Variants in DAB1 observed in about 807,000 individuals in gnomAD.
DAB1 encodes DAB adaptor protein 1.
In DAB1, 15 loss-of-function variants were observed where a neutral mutation model predicts 64.6. That is an observed-to-expected ratio of 0.23 (90% CI 0.16 to 0.36). DAB1 has a LOEUF of 0.36. DAB1 is among the 10% of genes least tolerant of loss of function. The pLI is 1.00. For synonymous variants in DAB1, 235 were observed against 251.9 expected, an observed-to-expected ratio of 0.93 and a Z score of 0.64; for missense variants, 596 against 706.7, an observed-to-expected ratio of 0.84 and a Z score of 1.78.
chr1:57,171,788 T>A (rs1033045660), intron 2 of DAB1, among the ~76,000 whole-genome samples: 10 of 152,232 alleles, frequency 6.6e-5, no homozygotes, highest in Non-Finnish European at 8.8e-5. Context: ...CTGATTTGAA[T>A]ATATTTAAAG....
chr1:58,472,102 G>A (rs116325526), intron 3 of DAB1, among the ~76,000 whole-genome samples: 1 of 152,240 alleles, frequency 6.6e-6, no homozygotes, highest in Non-Finnish European at 1.5e-5. Context: ...AGTAACCAGG[G>A]TCCCTCTGAT....
intron 4 of DAB1, among the ~76,000 whole-genome samples, chr1:58,279,590 C>T (rs1034372454): frequency 2.6e-5 from 4 of 152,190 alleles, no homozygotes; most frequent in African/African-American, 7.2e-5. Context: ...AAGTACGTCT[C>T]TAAAGTAGCA....
rs1029572737 is a variant in DAB1, at chr1:57,175,864, A to G, written c.68-30435T>C. On this transcript the variant is annotated intron_variant, in intron 2 of 14. Transcript: ENST00000371236. ...AAGCCACATTTTCAGGAAAGGCAGT[A>G]CTTCCAGGCTGATATTCTGAGTAGA... Among the ~76,000 whole-genome samples, 8 of 152,348 alleles carry G rather than the reference A, an allele frequency of 5.3e-5. No individual in the cohort carries two copies. The South Asian group carries it at 1.7e-3, about 32-fold the overall frequency.
At chr1:57,478,992 CCTT>C (rs1215837594) in intron 7 of DAB1, among the ~76,000 whole-genome samples, 2 of 152,048 alleles carry the variant, frequency 1.3e-5, no homozygotes, top group Non-Finnish European at 2.9e-5. Flanking sequence ...ACACCTGTAT[CCTT>C]CTGCTAACAT....
At chr1:57,471,027 C>A (rs933493150) in intron 7 of DAB1, among the ~76,000 whole-genome samples, 7 of 152,166 alleles carry the variant, frequency 4.6e-5, no homozygotes, top group East Asian at 1.9e-4. Context: ...CAAGACACAG[C>A]AAGAAATTCT....
At chr1:57,838,945 G>GT (rs1195709573) in intron 1 of DAB1, among the ~76,000 whole-genome samples, 4 of 151,470 alleles carry the variant, frequency 2.6e-5, no homozygotes, top group African/African-American at 9.7e-5. Context: ...CTCAGCTAAT[G>GT]TATTTATTTA....
chr1:57,463,486 A>G (rs972200408), intron 7 of DAB1, among the ~76,000 whole-genome samples: 2 of 152,184 alleles, frequency 1.3e-5, no homozygotes, highest in African/African-American at 2.4e-5. Context: ...AAGAAATTCA[A>G]TGCTCAAAAT....
At chr1:57,163,843 G>A (rs996316723) in intron 2 of DAB1, among the ~76,000 whole-genome samples, 1 of 152,166 alleles carries the variant, frequency 6.6e-6, no homozygotes, top group East Asian at 1.9e-4. Flanking sequence ...GGAAGGCAGG[G>A]TCACTTCCTA....
chr1:57,327,533 A>G lies in DAB1; in HGVS notation c.-136-36367T>C, dbSNP rs1558173847. On this transcript the variant is annotated intron_variant, in intron 1 of 14. Coordinates refer to ENST00000371236, the MANE Select transcript of DAB1 (RefSeq NM_001365792.1). Reference sequence around the variant, plus strand: ...GGGGCCTCTTCAGAACTGCTGCCAAACCTGGCAACCAATCACCCCAAAATG... The same window carrying G: ...GGGGCCTCTTCAGAACTGCTGCCAAGCCTGGCAACCAATCACCCCAAAATG... Among the ~76,000 whole-genome samples, 3 of 152,182 alleles carry G rather than the reference A, an allele frequency of 2.0e-5. No homozygotes were observed. In the East Asian group the frequency reaches 5.8e-4, roughly 29 times the overall value.
chr1:57,947,359 C>G (rs1645199347), intron 5 of DAB1, among the ~76,000 whole-genome samples: 1 of 152,160 alleles, frequency 6.6e-6, no homozygotes, highest in African/African-American at 2.4e-5. Context: ...CTGACCACCA[C>G]CCAGCAACCT....
At chr1:57,284,769 G>A (rs1220817781) in intron 2 of DAB1, among the ~76,000 whole-genome samples, 11 of 152,200 alleles carry the variant, frequency 7.2e-5, no homozygotes, top group South Asian at 2.1e-4. Context: ...CAATGTTAGC[G>A]GAAGTTACTT....
intron 1 of DAB1, among the ~76,000 whole-genome samples, chr1:57,337,130 C>T (rs1052515308): frequency 6.6e-6 from 1 of 152,242 alleles, no homozygotes; most frequent in Admixed American, 6.5e-5. Flanking sequence ...CTCTCATCAA[C>T]CACACAGCTA....
chr1:57,886,363 TGGCCA>T (rs1446391326), upstream of DAB1, among the ~76,000 whole-genome samples: 1 of 152,140 alleles, frequency 6.6e-6, no homozygotes, highest in Non-Finnish European at 1.5e-5. Context: ...TTCGCTATGT[TGGCCA>T]GGCTGGTCTC....
At chr1:57,843,110 T>C (rs560017994) in intron 1 of DAB1, among the ~76,000 whole-genome samples, 2 of 152,312 alleles carry the variant, frequency 1.3e-5, no homozygotes, top group South Asian at 4.1e-4. Flanking sequence ...AAACTCAAAG[T>C]GTGGTTTCTA....
chr1:57,759,682 A>G lies in DAB1; in HGVS notation n.552-110017T>C, dbSNP rs185115762. Among the ~76,000 whole-genome samples, 9 of 152,272 alleles carry G rather than the reference A, an allele frequency of 5.9e-5. No individual in the cohort carries two copies. The East Asian group carries it at 1.7e-3, about 29-fold the overall frequency. ...GCAGAGGAATTAAATGACCAGATTA[A>G]CATTCTACAGGATTATTCCACCTAC... On this transcript the variant is annotated intron_variant and non_coding_transcript_variant, in intron 6 of 20. Transcript: ENST00000485760.
At chr1:58,017,364 C>T (rs1037183882) in intron 5 of DAB1, among the ~76,000 whole-genome samples, 1 of 152,168 alleles carries the variant, frequency 6.6e-6, no homozygotes, top group Non-Finnish European at 1.5e-5. Flanking sequence ...CCAGGCAGGG[C>T]TTTCTCACAG....
intron 4 of DAB1, chr1:58,228,673 G>C: frequency 1.8e-6 from 2 of 1,094,932 alleles, no homozygotes; most frequent in East Asian, 3.8e-5. Flanking sequence ...GCCTGGCTTG[G>C]GGTGAGGGCT....
At chr1:57,014,454 C>T (rs775333547) in intron 12 of DAB1, among the ~76,000 whole-genome samples, 7 of 152,188 alleles carry the variant, frequency 4.6e-5, no homozygotes, top group African/African-American at 9.7e-5. Flanking sequence ...CAATAAGCCA[C>T]GCCAAAATCT....
chr1:57,594,839 T>C (rs1176379817), intron 7 of DAB1, among the ~76,000 whole-genome samples: 1 of 151,884 alleles, frequency 6.6e-6, no homozygotes, highest in Non-Finnish European at 1.5e-5. Flanking sequence ...GCCTCCCGAG[T>C]AGCTGGGACT....
Sources: gnomAD v4.1 joint callset for allele counts (sites outside exome capture counted in the v4.1 genomes callset) on GRCh38, gnomAD v4.1.1 for gene constraint, MANE v1.5 for transcripts, NCBI Gene and HGNC (gene_info 2026-07-23, HGNC 2026-07-21) for gene names.